Variants in ANKRD13C observed in about 807,000 individuals in gnomAD.
ANKRD13C encodes ankyrin repeat domain-containing protein 13C.
A neutral mutation model predicts 65.5 loss-of-function variants in ANKRD13C; 16 were observed. The observed-to-expected ratio is 0.24, with a 90% CI of 0.17 to 0.37. The LOEUF is 0.37. ANKRD13C is among the 10% of genes least tolerant of loss of function. The pLI is 1.00. For synonymous variants in ANKRD13C, 235 were observed against 238.7 expected (o/e 0.98, Z 0.14); for missense variants, 503 against 655.9 (o/e 0.77, Z 2.55).
chr1:70,303,213 A>C (rs1237757889), intron 6 of ANKRD13C, among the ~76,000 whole-genome samples: 1 of 152,242 alleles, frequency 6.6e-6, no homozygotes, highest in African/African-American at 2.4e-5. Context: ...ATATTAGATG[A>C]CCTGGTAAGC....
chr1:70,289,044 CCCA>C (rs1480243018), intron 9 of ANKRD13C, among the ~76,000 whole-genome samples: 1 of 152,112 alleles, frequency 6.6e-6, no homozygotes, highest in Non-Finnish European at 1.5e-5. Flanking sequence ...CAATCAAAAT[CCCA>C]CCACGTTTTT....
chr1:70,311,184 G>A (rs1172202228), intron 5 of ANKRD13C, among the ~76,000 whole-genome samples: 1 of 152,156 alleles, frequency 6.6e-6, no homozygotes, highest in Non-Finnish European at 1.5e-5. Context: ...ATGGTAAGAT[G>A]CCTACTATGG....
chr1:70,319,414 T>G (rs1457614296), intron 3 of ANKRD13C, among the ~76,000 whole-genome samples: 11 of 152,040 alleles, frequency 7.2e-5, no homozygotes, highest in Admixed American at 2.0e-4. Flanking sequence ...AAGACCAGCC[T>G]GGCCAACATA....
intron 9 of ANKRD13C, among the ~76,000 whole-genome samples, chr1:70,290,459 A>G (rs1418954952): frequency 2.0e-5 from 3 of 152,202 alleles, no homozygotes; most frequent in Non-Finnish European, 4.4e-5. Flanking sequence ...GCATGTTTAT[A>G]CAACACACAC....
chr1:70,352,743 A>C (rs1015970914), intron 1 of ANKRD13C, among the ~76,000 whole-genome samples: 1 of 152,248 alleles, frequency 6.6e-6, no homozygotes, highest in African/African-American at 2.4e-5. Flanking sequence ...CTTGTACTAT[A>C]ATAGTAAAAT....
chr1:70,284,898 G>A (rs1304808213), intron 9 of ANKRD13C, among the ~76,000 whole-genome samples: 1 of 151,916 alleles, frequency 6.6e-6, no homozygotes, highest in East Asian at 1.9e-4. Context: ...TCTTTTTTTA[G>A]CCAGCTACGA....
At chr1:70,266,081 CAT>C (rs1028676272) in intron 12 of ANKRD13C, among the ~76,000 whole-genome samples, 9 of 152,110 alleles carry the variant, frequency 5.9e-5, no homozygotes, top group Non-Finnish European at 1.0e-4. Flanking sequence ...TCCATAACCA[CAT>C]GTTGTCCTCA....
intron 3 of ANKRD13C, among the ~76,000 whole-genome samples, chr1:70,322,035 C>T (rs190088840): frequency 1.0e-3 from 159 of 152,266 alleles, no homozygotes; most frequent in Non-Finnish European, 1.8e-3. Context: ...ACAGACATAG[C>T]CGGGCATGGT....
intron 9 of ANKRD13C, among the ~76,000 whole-genome samples, chr1:70,282,699 G>A (rs995309252): frequency 2.6e-5 from 4 of 152,106 alleles, no homozygotes; most frequent in African/African-American, 9.7e-5. Context: ...AAAACATTAG[G>A]TAAAATAGTA....
At chr1:70,271,109 A>T (rs1398380894) in intron 11 of ANKRD13C, among the ~76,000 whole-genome samples, 153 bp from the exon 12 acceptor site, 1 of 151,888 alleles carries the variant, frequency 6.6e-6, no homozygotes, top group Non-Finnish European at 1.5e-5. Context: ...CTAACTTTTT[A>T]CTCTATAATG....
intron 12 of ANKRD13C, among the ~76,000 whole-genome samples, chr1:70,264,202 G>A (rs951526060): frequency 3.9e-5 from 6 of 151,904 alleles, no homozygotes; most frequent in Admixed American, 1.3e-4. Flanking sequence ...TAGGCTGGGC[G>A]TGGTGGCTCA....
At chr1:70,345,460 T>TA (rs1682486630) in intron 1 of ANKRD13C, among the ~76,000 whole-genome samples, 1 of 152,122 alleles carries the variant, frequency 6.6e-6, no homozygotes, top group Admixed American at 6.6e-5. Flanking sequence ...ATGTGAAATC[T>TA]AAAATCATAT....
chr1:70,323,657 A>AT (rs1393837353), intron 3 of ANKRD13C, among the ~76,000 whole-genome samples: 1 of 151,186 alleles, frequency 6.6e-6, no homozygotes, highest in Non-Finnish European at 1.5e-5. Flanking sequence ...AAAAAAAAAA[A>AT]TTTTTTTTGT....
chr1:70,261,402 C>T lies in ANKRD13C; in HGVS notation c.*1315G>A, dbSNP rs1287988712. 1 of 152,054 alleles carries T rather than the reference C, an allele frequency of 6.6e-6. No homozygotes were observed. The highest frequency in any genetic ancestry group is 2.4e-5 in the African/African-American group (1 of 41,434). The allele number at this position is 152,054 out of a possible 1,614,324, so 9.4% of individuals were successfully genotyped here. A position where few individuals can be genotyped will look rare whatever the true frequency, so the allele number is the denominator to read the frequency against. On this transcript the variant is annotated 3_prime_UTR_variant, in exon 13 of 13. Transcript: ENST00000370944. ...AAACTTGACAGATGCATTCTTGAGA[C>T]ATTCATCAGGATACATTTTAAAAAC... is the stretch of plus-strand genomic sequence containing the variant.
chr1:70,294,160 G>A (rs188016976), intron 8 of ANKRD13C, among the ~76,000 whole-genome samples: 29 of 152,180 alleles, frequency 1.9e-4, no homozygotes, highest in African/African-American at 4.3e-4. Flanking sequence ...CAGTAGATAC[G>A]ATATGACACG....
chr1:70,272,889 G>A (rs958713897), intron 11 of ANKRD13C, among the ~76,000 whole-genome samples: 4 of 152,052 alleles, frequency 2.6e-5, no homozygotes, highest in African/African-American at 9.7e-5. Flanking sequence ...TTGTCAGGCT[G>A]AGTTGGGAGG....
intron 5 of ANKRD13C, among the ~76,000 whole-genome samples, chr1:70,311,621 C>T (rs1680853546): frequency 6.6e-6 from 1 of 152,104 alleles, no homozygotes; most frequent in Non-Finnish European, 1.5e-5. Context: ...TGAAAGTAGT[C>T]ATACGAAATG....
At chr1:70,307,172 A>G (rs1370652284) in intron 5 of ANKRD13C, among the ~76,000 whole-genome samples, 1 of 152,202 alleles carries the variant, frequency 6.6e-6, no homozygotes, top group Non-Finnish European at 1.5e-5. Context: ...GACTCTAGAG[A>G]AAATTAAAGG....
At position 70,259,214 on chromosome 1, in the gene ANKRD13C, G is replaced by A; in HGVS notation, c.*3503C>T. On this transcript the variant is annotated 3_prime_UTR_variant, in exon 13 of 13. Transcript: ENST00000370944. ...TAGTCATCAAGAACTCTATGTATGG[G>A]AGGTACAGGTAAATAAGTGGTGGGT... 6.6e-6 allele frequency among the ~76,000 whole-genome samples: 1 copy of A among 152,118 alleles called. No individual in the cohort carries two copies. The highest frequency in any genetic ancestry group is 3.2e-3 in the Middle Eastern group (1 of 314).
Sources: gnomAD v4.1 joint callset for allele counts (sites outside exome capture counted in the v4.1 genomes callset) on GRCh38, gnomAD v4.1.1 for gene constraint, MANE v1.5 for transcripts, NCBI Gene and HGNC (gene_info 2026-07-23, HGNC 2026-07-21) for gene names.